ANKRD33B: variants seen among roughly 807,000 people sequenced by gnomAD.
The protein encoded by ANKRD33B is ankyrin repeat domain 33B.
A neutral mutation model predicts 21.5 loss-of-function variants in ANKRD33B; 6 were observed. The observed-to-expected ratio is 0.28, with a 90% CI of 0.15 to 0.55. The LOEUF is 0.55. ANKRD33B is among the 20% of genes least tolerant of loss of function. The pLI, the probability that ANKRD33B is intolerant of heterozygous loss-of-function variation, is 0.94. For synonymous variants in ANKRD33B, 347 were observed against 342.4 expected (o/e 1.01, Z -0.15); for missense variants, 698 against 747.2 (o/e 0.93, Z 0.77).
intron 3 of ANKRD33B, among the ~76,000 whole-genome samples, chr5:10,647,844 G>A (rs548944158): frequency 1.3e-4 from 20 of 152,282 alleles, no homozygotes; most frequent in Admixed American, 7.8e-4. Flanking sequence ...AGGCCCACCC[G>A]CATTATGAAG....
chr5:10,624,349 T>C (rs1531840), intron 2 of ANKRD33B, among the ~76,000 whole-genome samples: 77,651 of 151,984 alleles, frequency 0.51, 20,200 homozygotes, highest in East Asian at 0.71. Flanking sequence ...AGACTGGTTT[T>C]GAACTCCTGA....
At position 10,638,186 on chromosome 5, in the gene ANKRD33B, G is replaced by GT; in HGVS notation, c.637+19dup. On this transcript the variant is annotated intron_variant, in intron 3 of 3. Coordinates refer to ENST00000296657, the MANE Select transcript of ANKRD33B (RefSeq NM_001164440.2). ...GCTAGCAGGTATGTCCACCTGTCCT[G>GT]TGCAGCTTCCAGGGGCCCTGGGACA... is the stretch of plus-strand genomic sequence containing the variant. The GT allele has an allele frequency of 6.5e-7, 1 of 1,535,838 alleles. No individual in the cohort carries two copies. The highest frequency in any genetic ancestry group is 8.7e-7 in the Non-Finnish European group (1 of 1,145,894).
chr5:10,580,517 T>C (rs10719091), intron 1 of ANKRD33B, among the ~76,000 whole-genome samples: 18,141 of 151,820 alleles, frequency 0.12, 1,166 homozygotes, highest in African/African-American at 0.16. Flanking sequence ...AGCCCCACCC[T>C]GCCACCCTTC....
intron 3 of ANKRD33B, among the ~76,000 whole-genome samples, chr5:10,648,707 G>A (rs901814690): frequency 1.3e-5 from 2 of 151,996 alleles, no homozygotes; most frequent in Admixed American, 6.5e-5. Flanking sequence ...TGCGGTGAAC[G>A]GAGATTGTGC....
At chr5:10,597,429 T>C (rs1560968728) in intron 1 of ANKRD33B, among the ~76,000 whole-genome samples, 1 of 151,476 alleles carries the variant, frequency 6.6e-6, no homozygotes, top group East Asian at 1.9e-4. Context: ...CCAACAAAGA[T>C]AAAAAAAGAC....
intron 3 of ANKRD33B, among the ~76,000 whole-genome samples, chr5:10,645,594 G>T (rs962942094): frequency 1.3e-5 from 2 of 152,304 alleles, no homozygotes; most frequent in African/African-American, 2.4e-5. Flanking sequence ...TCCAGAGCTG[G>T]CCCTGGATTC....
intron 1 of ANKRD33B, among the ~76,000 whole-genome samples, chr5:10,579,146 G>A (rs1735384781): frequency 1.4e-5 from 2 of 148,096 alleles, no homozygotes; most frequent in Admixed American, 1.4e-4. Context: ...TCTGGGCAAG[G>A]GAAGTGATAC....
chr5:10,621,026 T>G (rs1431507034), intron 2 of ANKRD33B, among the ~76,000 whole-genome samples: 1 of 152,248 alleles, frequency 6.6e-6, no homozygotes, highest in African/African-American at 2.4e-5. Context: ...CCATTACTCA[T>G]TTTTTAAAAA....
intron 1 of ANKRD33B, among the ~76,000 whole-genome samples, chr5:10,605,861 T>C (rs572269808): frequency 1.1e-4 from 17 of 152,352 alleles, no homozygotes; most frequent in African/African-American, 4.1e-4. Flanking sequence ...CTTCTAGCCT[T>C]GCTAGTTCCT....
At chr5:10,608,332 T>C (rs1251442905) in intron 1 of ANKRD33B, among the ~76,000 whole-genome samples, 3 of 144,128 alleles carry the variant, frequency 2.1e-5, no homozygotes, top group African/African-American at 7.8e-5. Flanking sequence ...CACTCCAGCC[T>C]AGGCAACAGA....
chr5:10,617,044 A>G (rs1217933224), intron 1 of ANKRD33B, among the ~76,000 whole-genome samples: 5 of 152,224 alleles, frequency 3.3e-5, no homozygotes, highest in Admixed American at 6.5e-5. Context: ...GGAAAAAGGC[A>G]CAAGAGAGCT....
chr5:10,577,976 G>C (rs188349489), intron 1 of ANKRD33B, among the ~76,000 whole-genome samples: 139 of 152,300 alleles, frequency 9.1e-4, no homozygotes, highest in Non-Finnish European at 1.8e-3. Flanking sequence ...ACACTTAAGA[G>C]TCGCGTTTCA....
chr5:10,644,887 A>G (rs61579703), intron 3 of ANKRD33B, among the ~76,000 whole-genome samples: 63,835 of 152,040 alleles, frequency 0.42, 13,685 homozygotes, highest in Middle Eastern at 0.55. Context: ...GTGAGGGGGC[A>G]GCAAGTGAGA....
rs1737400255 is a variant in ANKRD33B, at chr5:10,653,202, AGGCAGCTCCTGCAGCTGTGCTCATG to A, written c.*3091_*3115del. 2.0e-5 allele frequency: 3 copies of A among 152,692 alleles called. No individual in the cohort carries two copies. The highest frequency in any genetic ancestry group is 7.2e-5 in the African/African-American group (3 of 41,580). 9.5% of individuals were successfully genotyped at this position (152,692 alleles called of 1,614,324 possible). On this transcript the variant is annotated 3_prime_UTR_variant, in exon 4 of 4. Transcript: ENST00000296657. Reference sequence around the variant, plus strand: ...TCCCTTTGGCCCATGCGGCGGGTCCAGGCAGCTCCTGCAGCTGTGCTCATGGCTGCTGGCCCAGAACTTCTCATTT... The same window carrying A: ...TCCCTTTGGCCCATGCGGCGGGTCCAGCTGCTGGCCCAGAACTTCTCATTT...
chr5:10,566,048 G>A (rs755168526), intron 1 of ANKRD33B, among the ~76,000 whole-genome samples: 3 of 152,140 alleles, frequency 2.0e-5, no homozygotes, highest in Non-Finnish European at 4.4e-5. Flanking sequence ...GTACTACATT[G>A]CCCCCGTGAT....
intron 1 of ANKRD33B, among the ~76,000 whole-genome samples, chr5:10,570,459 A>G (rs1579707413): frequency 6.7e-6 from 1 of 149,456 alleles, no homozygotes; most frequent in African/African-American, 2.5e-5. Context: ...TGGCAGGGGC[A>G]GGGTTCCAGG....
Position 10,650,268 on chromosome 5 carries a change from T to TTG in ANKRD33B, c.*156_*157insGT. ...TTTCCAGGCTGTTTGTCCAGGCTGCTTCCAAGAGAGGGCTGAGGGAGCCAC... is the reference window on the plus strand; with the variant it reads ...TTTCCAGGCTGTTTGTCCAGGCTGCTTGTCCAAGAGAGGGCTGAGGGAGCCAC... On this transcript the variant is annotated 3_prime_UTR_variant, in exon 4 of 4. Transcript: ENST00000296657. 1.2e-6 allele frequency: 1 copy of TTG among 856,894 alleles called. No homozygotes were observed. The allele number at this position is 856,894 out of a possible 1,614,324, so 53.1% of individuals were successfully genotyped here. A position where few individuals can be genotyped will look rare whatever the true frequency, so the allele number is the denominator to read the frequency against.
chr5:10,594,221 CTTTTT>C (rs10658307), intron 1 of ANKRD33B, among the ~76,000 whole-genome samples: 3 of 83,164 alleles, frequency 3.6e-5, no homozygotes, highest in Admixed American at 1.7e-4. Context: ...ACACATCCTT[CTTTTT>C]TTTTTTTTTT....
intron 2 of ANKRD33B, 133 bp from the exon 3 acceptor site, chr5:10,637,895 A>G: frequency 9.4e-7 from 1 of 1,059,592 alleles, no homozygotes; most frequent in East Asian, 2.6e-5. Flanking sequence ...TTGGGGTCCG[A>G]GAAAAACTCA....
Sources: gnomAD v4.1 joint callset for allele counts (sites outside exome capture counted in the v4.1 genomes callset) on GRCh38, gnomAD v4.1.1 for gene constraint, MANE v1.5 for transcripts, NCBI Gene and HGNC (gene_info 2026-07-23, HGNC 2026-07-21) for gene names.